Variants in XKR6 observed in about 807,000 individuals in gnomAD.
The protein encoded by XKR6 is XK related 6, also known as XK-related protein 6.
XKR6 carries 22 observed loss-of-function variants against 56.7 expected under a neutral mutation model. The ratio of observed to expected loss-of-function variants is 0.39; its 90% CI spans 0.28 to 0.55. XKR6 has a LOEUF of 0.55. Among genes scored for constraint, XKR6 ranks in the 20% least tolerant of loss-of-function variants. XKR6 has a pLI of 0.66. For synonymous variants in XKR6, 524 were observed against 387.8 expected (o/e 1.35, Z -4.13); for missense variants, 852 against 889.0 (o/e 0.96, Z 0.53).
At chr8:11,120,065 C>T (rs1391996055) in intron 1 of XKR6, among the ~76,000 whole-genome samples, 2 of 152,082 alleles carry the variant, frequency 1.3e-5, no homozygotes, top group Non-Finnish European at 2.9e-5. Context: ...TATGACAAAC[C>T]CACAGCCAAT....
At chr8:10,958,643 A>T (rs1435731460) in intron 1 of XKR6, among the ~76,000 whole-genome samples, 1 of 152,228 alleles carries the variant, frequency 6.6e-6, no homozygotes, top group Non-Finnish European at 1.5e-5. Flanking sequence ...ACAGAGGAAG[A>T]CACAGGCAGG....
At chr8:10,975,131 T>C (rs533177051) in intron 1 of XKR6, among the ~76,000 whole-genome samples, 3 of 152,144 alleles carry the variant, frequency 2.0e-5, no homozygotes, top group Non-Finnish European at 4.4e-5. Context: ...ATGCTCCCAG[T>C]ACTTGCAGGA....
intron 1 of XKR6, among the ~76,000 whole-genome samples, chr8:10,946,608 T>C (rs867482890): frequency 6.6e-6 from 1 of 151,944 alleles, no homozygotes; most frequent in Admixed American, 6.6e-5. Flanking sequence ...ACATGCCCCT[T>C]TATGACATTC....
At chr8:11,090,209 C>A (rs1000971005) in intron 1 of XKR6, among the ~76,000 whole-genome samples, 5 of 152,188 alleles carry the variant, frequency 3.3e-5, no homozygotes, top group African/African-American at 1.2e-4. Context: ...CTCGGCCTCT[C>A]ACGTAGCTGA....
chr8:10,898,065 T>G lies in XKR6; in HGVS notation c.1813A>C (p.Arg605=), dbSNP rs1251367628. The change falls in exon 3 of 3, where the codon AGG becomes CGG. Residue 605 remains arginine (R), a synonymous_variant. Coordinates refer to ENST00000416569, the MANE Select transcript of XKR6 (RefSeq NM_173683.4). The surrounding 1 kb of genome is among the most constrained non-coding windows in gnomAD (Gnocchi z 6.6). ...AGAATGTTAATAGTCCTTCTCAGCC[T>G]CCTGTCTACAAAATGAGCATCCCAA... ...PAWDAHFVDR[R]LRRTINILQY... 6.2e-7 allele frequency: 1 copy of G among 1,614,152 alleles called. No individual in the cohort carries two copies. The highest frequency in any genetic ancestry group is 2.2e-5 in the East Asian group (1 of 44,884).
intron 1 of XKR6, among the ~76,000 whole-genome samples, chr8:11,042,718 T>C (rs1274323246): frequency 2.0e-5 from 3 of 152,210 alleles, no homozygotes; most frequent in Non-Finnish European, 2.9e-5. Flanking sequence ...GAGCATCATG[T>C]GGGTGCTCAA....
At chr8:11,089,803 T>C (rs938067719) in intron 1 of XKR6, among the ~76,000 whole-genome samples, 2 of 152,248 alleles carry the variant, frequency 1.3e-5, no homozygotes, top group East Asian at 1.9e-4. Context: ...TTCTCCGTCA[T>C]CTTCCCCTTC....
chr8:10,901,284 G>C (rs1478556715), intron 2 of XKR6, among the ~76,000 whole-genome samples: 1 of 152,032 alleles, frequency 6.6e-6, no homozygotes, highest in East Asian at 1.9e-4. Flanking sequence ...TTGAACTCCT[G>C]ACCTCAAGTG....
At chr8:10,922,286 A>G (rs1462000189) in intron 2 of XKR6, among the ~76,000 whole-genome samples, 4 of 152,368 alleles carry the variant, frequency 2.6e-5, no homozygotes, top group African/African-American at 9.6e-5. Flanking sequence ...GTCCCTCTCC[A>G]GTGCCAGCAA....
At chr8:11,075,867 T>C (rs1175607059) in intron 1 of XKR6, among the ~76,000 whole-genome samples, 1 of 152,116 alleles carries the variant, frequency 6.6e-6, no homozygotes, top group East Asian at 1.9e-4. Flanking sequence ...AGCGAGACTC[T>C]GTCCCCCCGA....
chr8:11,062,681 G>T (rs554517087), intron 1 of XKR6: 7 of 452,876 alleles, frequency 1.5e-5, no homozygotes, highest in Non-Finnish European at 2.7e-5. Context: ...ATGTGATCTG[G>T]TTTTTAGTTA....
intron 1 of XKR6, among the ~76,000 whole-genome samples, chr8:11,198,428 T>C (rs988223062): frequency 2.6e-5 from 4 of 151,556 alleles, no homozygotes; most frequent in African/African-American, 9.7e-5. Flanking sequence ...TTTAGAGATA[T>C]ATTCTAATCT....
At chr8:11,027,300 G>A (rs1798892343) in intron 1 of XKR6, among the ~76,000 whole-genome samples, 1 of 152,154 alleles carries the variant, frequency 6.6e-6, no homozygotes, top group East Asian at 1.9e-4. Flanking sequence ...TTATTATGTG[G>A]CATGTGACTA....
intron 1 of XKR6, among the ~76,000 whole-genome samples, chr8:11,102,792 C>T (rs1303466470): frequency 3.3e-5 from 5 of 152,270 alleles, no homozygotes; most frequent in Admixed American, 6.5e-5. Context: ...AGAGAGAAAC[C>T]AACACTGCCT....
chr8:11,177,819 G>C (rs1468378595), intron 1 of XKR6, among the ~76,000 whole-genome samples: 1 of 152,198 alleles, frequency 6.6e-6, no homozygotes, highest in Non-Finnish European at 1.5e-5. Context: ...TCTAGCCTCA[G>C]GCTCTGAGAG....
At chr8:11,195,272 TTA>T in intron 1 of XKR6, 1 of 678,046 alleles carries the variant, frequency 1.5e-6, no homozygotes, top group Non-Finnish European at 2.7e-6. Context: ...GTTTAACATT[TTA>T]TGTTTACACC....
At chr8:10,967,753 G>T (rs964462804) in intron 1 of XKR6, among the ~76,000 whole-genome samples, 8 of 152,240 alleles carry the variant, frequency 5.3e-5, no homozygotes, top group African/African-American at 1.9e-4. Flanking sequence ...CTACAGCGAC[G>T]TGCTGGAGCT....
At chr8:11,088,103 A>C (rs1797952675) in intron 1 of XKR6, among the ~76,000 whole-genome samples, 1 of 152,256 alleles carries the variant, frequency 6.6e-6, no homozygotes, top group Non-Finnish European at 1.5e-5. Flanking sequence ...TGTTTGAAAA[A>C]ATGCTAAGAA....
chr8:10,985,133 G>C (rs933938484), intron 1 of XKR6, among the ~76,000 whole-genome samples: 3 of 151,940 alleles, frequency 2.0e-5, no homozygotes, highest in African/African-American at 7.3e-5. Context: ...TTTGTGGAGA[G>C]GGGGTGATAC....
Sources: gnomAD v4.1 joint callset for allele counts (sites outside exome capture counted in the v4.1 genomes callset) on GRCh38, gnomAD v4.1.1 for gene constraint, Gnocchi (gnomAD v3.1) non-coding constraint, MANE v1.5 for transcripts, NCBI Gene and HGNC (gene_info 2026-07-23, HGNC 2026-07-21) for gene names.